Variants in CD82 observed in about 807,000 individuals in gnomAD.
CD82 encodes the protein CD82 molecule.
CD82 carries 36 observed loss-of-function variants against 37.4 expected under a neutral mutation model. The ratio of observed to expected loss-of-function variants is 0.96; its 90% confidence interval spans 0.74 to 1.27. The LOEUF (loss-of-function observed/expected upper bound fraction) is 1.27. CD82 is among the 50% of genes most tolerant of loss of function. The probability of loss-of-function intolerance (pLI) is 0.00; values close to 1 mark genes in which losing one functional copy is unlikely to be tolerated. For missense variants in CD82, 340 were observed against 347.0 expected, an observed-to-expected ratio of 0.98 and a Z score of 0.16; for synonymous variants, 158 against 137.4, an observed-to-expected ratio of 1.15 and a Z score of -1.05.
At chr11:44,616,607 C>T (rs751177770) in intron 7 of CD82, among the ~76,000 whole-genome samples, 10 of 152,284 alleles carry the variant, frequency 6.6e-5, no homozygotes, top group South Asian at 4.2e-4. Flanking sequence ...CTGCCACAGC[C>T]GCTAGACCTT....
chr11:44,573,674 T>C (rs7126437), intron 1 of CD82, among the ~76,000 whole-genome samples: 46,485 of 152,136 alleles, frequency 0.31, 7,773 homozygotes, highest in African/African-American at 0.43. Flanking sequence ...GGAGACGGTA[T>C]GGCATGGCAC....
At chr11:44,618,597 A>G (rs746471269) in intron 8 of CD82, 43 bp from the exon 9 acceptor site, 31 of 1,510,958 alleles carry the variant, frequency 2.1e-5, no homozygotes, top group Non-Finnish European at 2.7e-5. Context: ...GCGGGGTGGG[A>G]TGGTGCAGAG....
At chr11:44,573,235 G>C (rs1852841226) in intron 1 of CD82, 1 of 152,212 alleles carries the variant, frequency 6.6e-6, no homozygotes, top group Non-Finnish European at 1.5e-5. Context: ...ATGATACCTG[G>C]TATGACGTAA....
At chr11:44,602,803 A>G (rs958197226) in intron 4 of CD82, among the ~76,000 whole-genome samples, 1 of 152,110 alleles carries the variant, frequency 6.6e-6, no homozygotes, top group African/African-American at 2.4e-5. Flanking sequence ...AATGGCATCA[A>G]TTAAATGTTC....
intron 1 of CD82, among the ~76,000 whole-genome samples, chr11:44,575,927 G>A (rs1196741726): frequency 6.6e-6 from 1 of 152,204 alleles, no homozygotes; most frequent in Non-Finnish European, 1.5e-5. Context: ...CTGGAACCCT[G>A]GCGCTGTCAC....
chr11:44,584,967 C>T (rs1448981695), intron 1 of CD82, among the ~76,000 whole-genome samples: 3 of 152,230 alleles, frequency 2.0e-5, no homozygotes, highest in Admixed American at 6.5e-5. Context: ...GCCAGGCTTT[C>T]TCACTCCACT....
intron 6 of CD82, among the ~76,000 whole-genome samples, chr11:44,608,998 A>G (rs1048100842): frequency 6.6e-6 from 1 of 152,186 alleles, no homozygotes; most frequent in African/African-American, 2.4e-5. Flanking sequence ...GCCATTATTC[A>G]CTTCATGAAG....
chr11:44,577,497 C>A (rs1342031356), intron 1 of CD82, among the ~76,000 whole-genome samples: 1 of 152,106 alleles, frequency 6.6e-6, no homozygotes, highest in African/African-American at 2.4e-5. Flanking sequence ...GGCATGAGAG[C>A]AGGGCCTGTG....
chr11:44,591,443 C>G (rs893331870), intron 2 of CD82, among the ~76,000 whole-genome samples: 1 of 152,236 alleles, frequency 6.6e-6, no homozygotes, highest in African/African-American at 2.4e-5. Context: ...CCACGTCTGC[C>G]TTGGTGACAA....
chr11:44,620,208 G>A lies in CD82; in HGVS notation c.*1082G>A, dbSNP rs1853644603. The A allele has an allele frequency of 6.6e-6, 1 of 151,474 alleles. No individual in the cohort carries two copies. 9.4% of individuals were successfully genotyped at this position (151,474 alleles called of 1,614,324 possible). A position where few individuals can be genotyped will look rare whatever the true frequency, so the allele number is the denominator to read the frequency against. On this transcript the variant is annotated 3_prime_UTR_variant, in exon 10 of 10. Coordinates refer to ENST00000227155, the MANE Select transcript of CD82 (RefSeq NM_002231.4). The stretch of plus-strand genomic sequence containing the variant: ...GGATGGCTTCTCCTGGGAGAAGGTG[G>A]GCTGGCCTTTCTTGGCAAGCGGTCC...
intron 6 of CD82, among the ~76,000 whole-genome samples, chr11:44,614,452 C>T (rs1853531566): frequency 6.6e-6 from 1 of 152,222 alleles, no homozygotes; most frequent in Admixed American, 6.5e-5. Context: ...ATTCAGCATT[C>T]ACGTACCCCA....
Position 44,618,387 on chromosome 11 carries a change from G to A in CD82, c.642+22G>A, listed in dbSNP as rs560484305. On this transcript the variant is annotated intron_variant, in intron 8 of 9. Transcript: ENST00000227155. ...GGAGGTGTGCGGGGGGCTGCGGATCGGGGGCGGGGCTCCGAGGGCGTTGGG... is the reference window on the plus strand; with the variant it reads ...GGAGGTGTGCGGGGGGCTGCGGATCAGGGGCGGGGCTCCGAGGGCGTTGGG... 4.2e-5 allele frequency: 67 copies of A among 1,604,002 alleles called. No individual in the cohort carries two copies. The African/African-American group carries it at 4.3e-4, about 10-fold the overall frequency.
intron 1 of CD82, among the ~76,000 whole-genome samples, chr11:44,580,816 G>A (rs1027645851): frequency 2.5e-4 from 38 of 152,316 alleles, no homozygotes; most frequent in African/African-American, 8.7e-4. Flanking sequence ...CTGCCATATG[G>A]TGTTGCCTGA....
chr11:44,564,539 G>A (rs1403996684), upstream of CD82: 5 of 455,664 alleles, frequency 1.1e-5, no homozygotes, highest in Non-Finnish European at 1.8e-5. Flanking sequence ...GAGCCTGGGA[G>A]GGCAGAGGGC....
chr11:44,605,162 G>T lies in CD82; in HGVS notation c.241G>T (p.Val81Phe). 1 of 1,614,140 alleles carries T rather than the reference G, an allele frequency of 6.2e-7. No homozygotes were observed. The highest frequency in any genetic ancestry group is 8.5e-7 in the Non-Finnish European group (1 of 1,180,020). Reference sequence around the variant, plus strand: ...GGGCTGCATCGGCGCCGTCAACGAGGTCCGCTGCCTGCTGGGGCTGGTGAG... The same window carrying T: ...GGGCTGCATCGGCGCCGTCAACGAGTTCCGCTGCCTGCTGGGGCTGGTGAG... ...FLGCIGAVNE[V>F]RCLLGLYFAF... is the part of the protein sequence containing the mutation. Residue 81 changes from valine (V) to phenylalanine (F), a missense_variant, in exon 5 of 10, where the codon GTC (valine) becomes TTC (phenylalanine). Coordinates refer to ENST00000227155, the MANE Select transcript of CD82 (RefSeq NM_002231.4).
chr11:44,591,969 A>G (rs371159160), intron 2 of CD82, among the ~76,000 whole-genome samples: 10 of 151,792 alleles, frequency 6.6e-5, no homozygotes, highest in African/African-American at 2.4e-4. Context: ...ACAGGCACCC[A>G]CCCCCACGCC....
intron 6 of CD82, among the ~76,000 whole-genome samples, chr11:44,612,197 G>C (rs144216560): frequency 6.6e-6 from 1 of 152,228 alleles, no homozygotes. Context: ...GGGTATAGCC[G>C]TGTGGTTTAA....
chr11:44,588,246 T>C (rs1853089044), intron 2 of CD82, among the ~76,000 whole-genome samples: 1 of 146,900 alleles, frequency 6.8e-6, no homozygotes, highest in Admixed American at 6.8e-5. Context: ...TTTTTTTAGG[T>C]GGAGTCTCAC....
At chr11:44,602,680 A>AT (rs1565090777) in intron 4 of CD82, among the ~76,000 whole-genome samples, 8 of 151,966 alleles carry the variant, frequency 5.3e-5, no homozygotes, top group East Asian at 1.9e-4. Flanking sequence ...GTGAAAAAAA[A>AT]ATTTTTTTTT....
Sources: gnomAD v4.1 joint callset for allele counts (sites outside exome capture counted in the v4.1 genomes callset) on GRCh38, gnomAD v4.1.1 for gene constraint, MANE v1.5 for transcripts, NCBI Gene and HGNC (gene_info 2026-07-23, HGNC 2026-07-21) for gene names.